Variants in TRIM5 observed in about 807,000 individuals in gnomAD.
The protein encoded by TRIM5 is tripartite motif containing 5, also known as tripartite motif-containing protein 5.
TRIM5 carries 31 observed loss-of-function variants against 35.6 expected under a neutral mutation model. The ratio of observed to expected loss-of-function variants is 0.87; its 90% CI spans 0.65 to 1.18. The LOEUF is 1.18. Ranked by LOEUF, TRIM5 falls within the 50% of genes most tolerant of loss-of-function variation. The probability of loss-of-function intolerance (pLI) is 0.00; values close to 1 mark genes in which losing one functional copy is unlikely to be tolerated. For synonymous variants in TRIM5, 243 were observed against 215.6 expected (o/e 1.13, Z -1.11); for missense variants, 609 against 591.6 (o/e 1.03, Z -0.31).
the TRIM5 span, among the ~76,000 whole-genome samples, chr11:5,594,128 A>T: frequency 1.5e-4 from 23 of 152,264 alleles, no homozygotes; most frequent in African/African-American, 5.5e-4. Context: ...TGGTAAATTT[A>T]TATCTAACTT....
chr11:5,623,365 ATTTTTATT>A, the TRIM5 span, among the ~76,000 whole-genome samples: 1 of 151,548 alleles, frequency 6.6e-6, no homozygotes, highest in Non-Finnish European at 1.5e-5. Context: ...TATTTTGTTT[ATTTTTATT>A]TTTTTATTTT....
the TRIM5 span, among the ~76,000 whole-genome samples, chr11:5,591,199 A>G: frequency 6.6e-6 from 1 of 152,256 alleles, no homozygotes; most frequent in South Asian, 2.1e-4. Flanking sequence ...CAAGATAAGT[A>G]ATAAAGGAGA....
chr11:5,660,196 C>T (rs751543152), downstream of TRIM5, among the ~76,000 whole-genome samples: 9 of 152,110 alleles, frequency 5.9e-5, no homozygotes, highest in Non-Finnish European at 7.4e-5. Context: ...TAGCTGGTCT[C>T]GAAATCCTGA....
At chr11:5,595,055 C>T in the TRIM5 span, among the ~76,000 whole-genome samples, 31 of 152,294 alleles carry the variant, frequency 2.0e-4, no homozygotes, top group Non-Finnish European at 2.9e-4. Context: ...TCTGCACTTA[C>T]GAGATTCCAA....
At chr11:5,605,556 G>C in the TRIM5 span, 2 of 1,613,740 alleles carry the variant, frequency 1.2e-6, no homozygotes, top group South Asian at 2.2e-5. Context: ...GTCAACAATG[G>C]AGCTGCTGCA....
the TRIM5 span, among the ~76,000 whole-genome samples, chr11:5,616,177 T>C: frequency 7.7e-6 from 1 of 129,816 alleles, no homozygotes; most frequent in African/African-American, 2.9e-5. Flanking sequence ...GGTCTCGATC[T>C]CCTGACTTCG....
chr11:5,624,292 C>A, the TRIM5 span, among the ~76,000 whole-genome samples: 3 of 152,152 alleles, frequency 2.0e-5, no homozygotes, highest in Non-Finnish European at 4.4e-5. Context: ...TTACTGTGCA[C>A]AGTTTGATGA....
chr11:5,595,884 T>C, the TRIM5 span, among the ~76,000 whole-genome samples: 4 of 152,124 alleles, frequency 2.6e-5, no homozygotes, highest in Non-Finnish European at 5.9e-5. Context: ...GGTTTCATCA[T>C]GTTGGCCGGG....
chr11:5,665,636 A>G lies in TRIM5; in HGVS notation c.895+20T>C. 1 of 1,565,172 alleles carries G rather than the reference A, an allele frequency of 6.4e-7. No individual in the cohort carries two copies. On this transcript the variant is annotated intron_variant, in intron 7 of 7. Transcript: ENST00000380034. ...ATGATAAGCCGCAGGGTGGCTTATG[A>G]TAATGTGACTTCTCCTTACCCCAGT...
intron 1 of TRIM5, among the ~76,000 whole-genome samples, chr11:5,683,036 T>C (rs1852637737): frequency 6.8e-6 from 1 of 147,898 alleles, no homozygotes; most frequent in African/African-American, 2.4e-5. Context: ...GGCCCCGCAC[T>C]CGGAGTGGCC....
At chr11:5,683,761 G>C (rs1852760910) in intron 1 of TRIM5, among the ~76,000 whole-genome samples, 2 of 152,170 alleles carry the variant, frequency 1.3e-5, no homozygotes, top group African/African-American at 4.8e-5. Context: ...GCACCAATCA[G>C]TGCCCTGTCA....
At chr11:5,634,492 TACACAC>T in the TRIM5 span, 7,161 of 227,624 alleles carry the variant, frequency 0.031, 122 homozygotes, top group African/African-American at 0.06. Context: ...ATAATATAAA[TACACAC>T]ACACACACAC....
At chr11:5,666,199 CTG>C in intron 5 of TRIM5, 118 bp from the exon 6 acceptor site, 1 of 847,940 alleles carries the variant, frequency 1.2e-6, no homozygotes. Flanking sequence ...CTTGGGGATC[CTG>C]AGAAGGGAGA....
At chr11:5,670,421 G>A (rs563675170) in intron 4 of TRIM5, among the ~76,000 whole-genome samples, 24 of 151,508 alleles carry the variant, frequency 1.6e-4, no homozygotes, top group East Asian at 5.8e-4. Flanking sequence ...CGCCCGCCTC[G>A]GCCTCCCAAA....
chr11:5,630,163 G>A, the TRIM5 span, among the ~76,000 whole-genome samples: 1 of 152,136 alleles, frequency 6.6e-6, no homozygotes, highest in African/African-American at 2.4e-5. Context: ...TGTTACAAGA[G>A]TCTCAATCCT....
the TRIM5 span, among the ~76,000 whole-genome samples, chr11:5,606,380 G>C: frequency 8.1e-4 from 124 of 152,302 alleles, no homozygotes; most frequent in African/African-American, 2.8e-3. Context: ...TTTCTGCATA[G>C]AATGAATAGT....
chr11:5,643,087 T>C, the TRIM5 span: 4 of 1,269,344 alleles, frequency 3.2e-6, no homozygotes, highest in South Asian at 2.1e-5. Context: ...TAATCATATA[T>C]ATCACACAGA....
At chr11:5,605,742 A>T in the TRIM5 span, among the ~76,000 whole-genome samples, 4 of 152,200 alleles carry the variant, frequency 2.6e-5, no homozygotes, top group African/African-American at 9.6e-5. Flanking sequence ...AGCGTAAGAT[A>T]ATTCAGAGTA....
chr11:5,622,640 A>T, the TRIM5 span, among the ~76,000 whole-genome samples: 6 of 19,886 alleles, frequency 3.0e-4, no homozygotes, highest in African/African-American at 2.5e-3. Context: ...CAAACAAATA[A>T]AAAAAACCGG....
Sources: allele counts gnomAD v4.1 joint callset (sites outside exome capture counted in the v4.1 genomes callset), GRCh38; gene constraint gnomAD v4.1.1; transcripts MANE v1.5; gene names NCBI Gene and HGNC (gene_info 2026-07-23, HGNC 2026-07-21).